Variants in RAC1 observed in about 807,000 individuals in gnomAD.
The protein encoded by RAC1 is Rac family small GTPase 1, also known as ras-related C3 botulinum toxin substrate 1.
RAC1 carries 2 observed loss-of-function variants against 25.2 expected under a neutral mutation model. The ratio of observed to expected loss-of-function variants is 0.08; its 90% CI spans 0.03 to 0.25. The LOEUF (loss-of-function observed/expected upper bound fraction) is 0.25. Among genes scored for constraint, RAC1 ranks in the 10% least tolerant of loss-of-function variants. The pLI, the probability that RAC1 is intolerant of heterozygous loss-of-function variation, is 1.00. For synonymous variants in RAC1, 88 were observed against 94.0 expected, an observed-to-expected ratio of 0.94 and a Z score of 0.37; for missense variants, 50 against 235.7, an observed-to-expected ratio of 0.21 and a Z score of 5.16.
At chr7:6,386,078 C>A (rs930551090) in intron 1 of RAC1, among the ~76,000 whole-genome samples, 7 of 152,340 alleles carry the variant, frequency 4.6e-5, no homozygotes, top group East Asian at 1.9e-4. Context: ...TTCTGCCTGG[C>A]GGCACACTGG....
chr7:6,388,467 C>T (rs1213418577), intron 2 of RAC1, among the ~76,000 whole-genome samples: 1 of 151,098 alleles, frequency 6.6e-6, no homozygotes, highest in South Asian at 2.1e-4. Flanking sequence ...GCCTCAGCCT[C>T]CCAGGTAGCT....
At chr7:6,382,040 C>T (rs1280543258) in intron 1 of RAC1, among the ~76,000 whole-genome samples, 2 of 152,108 alleles carry the variant, frequency 1.3e-5, no homozygotes, top group Non-Finnish European at 2.9e-5. Context: ...GTTGCTCAGG[C>T]TGGAGTGCAG....
intron 1 of RAC1, among the ~76,000 whole-genome samples, chr7:6,382,863 G>A (rs765050347): frequency 6.6e-6 from 1 of 152,226 alleles, no homozygotes; most frequent in Non-Finnish European, 1.5e-5. Context: ...ACAGAGCCAA[G>A]ACTCCGTCTT....
chr7:6,391,644 T>A (rs1783096547), intron 2 of RAC1: 1 of 418,426 alleles, frequency 2.4e-6, no homozygotes, highest in Non-Finnish European at 4.3e-6. Flanking sequence ...TCTTAAACTT[T>A]GTTTAAAGTA....
intron 5 of RAC1, 109 bp from the exon 6 acceptor site, chr7:6,402,207 T>G (rs1334149590): frequency 6.7e-7 from 1 of 1,491,812 alleles, no homozygotes; most frequent in African/African-American, 1.4e-5. Flanking sequence ...GAAGCAGGGC[T>G]GGGAGCCGGC....
intron 2 of RAC1, among the ~76,000 whole-genome samples, chr7:6,388,372 GTC>G (rs3838698): frequency 6.3e-5 from 8 of 126,682 alleles, no homozygotes; most frequent in Admixed American, 2.6e-4. Flanking sequence ...TTTGGAGTTA[GTC>G]TCTCTCTCTT....
In RAC1 at chr7:6,374,599, C is replaced by A; in HGVS notation, c.-137C>A. The A allele has an allele frequency of 2.6e-6, 1 of 380,218 alleles. No homozygotes were observed. Among genetic ancestry groups the A allele is most frequent in the Non-Finnish European group, 3.7e-6 (1 of 266,918 alleles). The allele number at this position is 380,218 out of a possible 1,614,324, so 23.6% of individuals were successfully genotyped here. A position where few individuals can be genotyped will look rare whatever the true frequency, so the allele number is the denominator to read the frequency against. ...GCATCGGCTTCCAGTCCGCGGAGGGCGAGGCGGCGTGGACAGCGGCCCCGG... is the reference window on the plus strand; with the variant it reads ...GCATCGGCTTCCAGTCCGCGGAGGGAGAGGCGGCGTGGACAGCGGCCCCGG... On this transcript the variant is annotated 5_prime_UTR_variant, in exon 1 of 6. Transcript: ENST00000348035.
chr7:6,400,065 A>C (rs1783352910), intron 3 of RAC1, 61 bp from the exon 4 acceptor site: 1 of 1,453,068 alleles, frequency 6.9e-7, no homozygotes, highest in Non-Finnish European at 9.7e-7. Flanking sequence ...TGTAGAAAGC[A>C]AAGTGCATGC....
chr7:6,383,784 C>CTTTTTTTTTTTTT lies in RAC1; in HGVS notation c.36-3405_36-3393dup, dbSNP rs34847745. The stretch of plus-strand genomic sequence containing the variant: ...GTTAAGGTTTTTACACAACCTTTAT[C>CTTTTTTTTTTTTT]TTTTTTTTTTTTTTTTTTTTTTTTT... On this transcript the variant is annotated intron_variant, in intron 1 of 5. Transcript: ENST00000348035. 5.5e-4 allele frequency among the ~76,000 whole-genome samples: 22 copies of CTTTTTTTTTTTTT among 39,800 alleles called. 1 individual carries two copies. The highest frequency in any genetic ancestry group is 1.7e-3 in the South Asian group (1 of 586). 26.1% of individuals were successfully genotyped at this position (39,800 alleles called of 152,430 possible). A position where few individuals can be genotyped will look rare whatever the true frequency, so the allele number is the denominator to read the frequency against.
chr7:6,402,052 C>G, intron 5 of RAC1, 25 bp downstream of exon 5: 1 of 1,603,684 alleles, frequency 6.2e-7, no homozygotes, highest in African/African-American at 1.3e-5. Flanking sequence ...GTTTTTCCTC[C>G]TCCTTGTACC....
At chr7:6,386,805 GAAAAAAAA>G (rs1479096375) in intron 1 of RAC1, among the ~76,000 whole-genome samples, 57 of 142,968 alleles carry the variant, frequency 4.0e-4, no homozygotes, top group South Asian at 9.1e-4. Flanking sequence ...AAAAAAAAAA[GAAAAAAAA>G]GAAAAAAAGA....
intron 1 of RAC1, among the ~76,000 whole-genome samples, chr7:6,386,947 GA>G (rs1782939656): frequency 6.6e-6 from 1 of 152,102 alleles, no homozygotes; most frequent in Non-Finnish European, 1.5e-5. Context: ...ACTGTTTCTT[GA>G]CTATTAATGC....
intron 2 of RAC1, among the ~76,000 whole-genome samples, chr7:6,389,192 ACT>A (rs1276904155): frequency 3.3e-4 from 42 of 128,816 alleles, no homozygotes; most frequent in African/African-American, 1.3e-3. Context: ...ACAGAGTGAG[ACT>A]CTGTCTCCCA....
At chr7:6,376,506 CTTT>C (rs1315630129) in intron 1 of RAC1, among the ~76,000 whole-genome samples, 1 of 82,992 alleles carries the variant, frequency 1.2e-5, no homozygotes, top group Non-Finnish European at 2.3e-5. Context: ...TTTTTCTTTT[CTTT>C]TTTTTTTTTT....
intron 3 of RAC1, among the ~76,000 whole-genome samples, chr7:6,394,891 G>C (rs1028466486): frequency 6.6e-6 from 1 of 151,990 alleles, no homozygotes; most frequent in Non-Finnish European, 1.5e-5. Context: ...GTCTTGCTCT[G>C]TCGCCCAGGC....
At position 6,403,724 on chromosome 7, in the gene RAC1, C is replaced by T. The variant is rs1783485938; in HGVS notation, c.*1278C>T. The T allele has an allele frequency of 4.8e-6, 1 of 209,976 alleles. No individual in the cohort carries two copies. Among genetic ancestry groups the T allele is most frequent in the African/African-American group, 2.3e-5 (1 of 44,110 alleles). 13.0% of individuals were successfully genotyped at this position (209,976 alleles called of 1,614,324 possible). On this transcript the variant is annotated 3_prime_UTR_variant, in exon 6 of 6. Transcript: ENST00000348035. ...CCTCGCCCACGCGGACACACGCCTC[C>T]TGTAGTCGCTTTGCCTATTGATGTT...
intron 1 of RAC1, among the ~76,000 whole-genome samples, chr7:6,377,223 G>T: frequency 6.6e-6 from 1 of 151,046 alleles, no homozygotes; most frequent in South Asian, 2.1e-4. Context: ...AATTAGTTAT[G>T]AGCATTTGAA....
chr7:6,374,676 G>C lies in RAC1; in HGVS notation c.-60G>C, dbSNP rs1472749146. 1.9e-6 allele frequency: 2 copies of C among 1,049,726 alleles called. No individual in the cohort carries two copies. Among genetic ancestry groups the C allele is most frequent in the African/African-American group, 3.4e-5 (2 of 58,542 alleles). The allele number at this position is 1,049,726 out of a possible 1,614,324, so 65.0% of individuals were successfully genotyped here. A position where few individuals can be genotyped will look rare whatever the true frequency, so the allele number is the denominator to read the frequency against. ...CGCGCGCCCGTCCGCCGCGCCCCGA[G>C]CCCGCCGCTTCCTATCTCAGCGCCC... On this transcript the variant is annotated 5_prime_UTR_variant, in exon 1 of 6. Coordinates refer to ENST00000348035, the MANE Select transcript of RAC1 (RefSeq NM_006908.5).
At chr7:6,380,376 TAATG>T (rs1205293732) in intron 1 of RAC1, among the ~76,000 whole-genome samples, 1 of 108,674 alleles carries the variant, frequency 9.2e-6, no homozygotes, top group African/African-American at 5.8e-5. Context: ...AAATTATACA[TAATG>T]TGTGTGTGTG....
Sources: allele counts gnomAD v4.1 joint callset (sites outside exome capture counted in the v4.1 genomes callset), GRCh38; gene constraint gnomAD v4.1.1; transcripts MANE v1.5; gene names NCBI Gene and HGNC (gene_info 2026-07-23, HGNC 2026-07-21).